The following RUNDC3B variants were observed in gnomAD, a reference collection of about 807,000 sequenced individuals.
The protein encoded by RUNDC3B is RUN domain containing 3B.
A neutral mutation model predicts 58.4 loss-of-function variants in RUNDC3B; 33 were observed. The ratio of observed to expected loss-of-function variants is 0.56; its 90% confidence interval spans 0.43 to 0.75. RUNDC3B has a LOEUF of 0.75. Among genes scored for constraint, RUNDC3B ranks in the 30% least tolerant of loss-of-function variants. RUNDC3B has a pLI of 0.00. For missense variants in RUNDC3B, 501 were observed against 535.7 expected (o/e 0.94, Z 0.64); for synonymous variants, 193 against 195.2 (o/e 0.99, Z 0.10).
chr7:87,656,357 C>T (rs965456827), intron 2 of RUNDC3B, among the ~76,000 whole-genome samples: 8 of 151,734 alleles, frequency 5.3e-5, no homozygotes, highest in East Asian at 1.9e-4. Flanking sequence ...CTAGACAATA[C>T]GGTATGCATT....
intron 7 of RUNDC3B, among the ~76,000 whole-genome samples, chr7:87,772,751 A>G (rs1204092087): frequency 6.6e-6 from 1 of 152,214 alleles, no homozygotes; most frequent in Non-Finnish European, 1.5e-5. Flanking sequence ...TGCAAATTAC[A>G]TATAACCAGA....
intron 8 of RUNDC3B, among the ~76,000 whole-genome samples, chr7:87,798,962 A>G (rs1584236689): frequency 6.6e-6 from 1 of 152,216 alleles, no homozygotes; most frequent in South Asian, 2.1e-4. Context: ...TCCCATGACT[A>G]TGTCTAAAGT....
rs1824039421 is a variant in RUNDC3B, at chr7:87,655,784, CT to C, written c.238+4849del. Among the ~76,000 whole-genome samples the C allele has an allele frequency of 2.0e-5, 3 of 152,234 alleles. No individual in the cohort carries two copies. In the South Asian group the frequency reaches 6.2e-4, roughly 32 times the overall value. ...TCCCCTCAAATTCATATGCTGGAAACTTAACCCCCTGTCCAACAGTGCTGGG... is the reference window on the plus strand; with the variant it reads ...TCCCCTCAAATTCATATGCTGGAAACTAACCCCCTGTCCAACAGTGCTGGG... On this transcript the variant is annotated intron_variant, in intron 2 of 10. Coordinates refer to ENST00000394654, the MANE Select transcript of RUNDC3B (RefSeq NM_001134405.2).
Position 87,830,883 on chromosome 7 carries a change from A to G in RUNDC3B, c.*853A>G, listed in dbSNP as rs1838093147. The G allele has an allele frequency of 6.6e-6, 1 of 151,704 alleles. No homozygotes were observed. Among genetic ancestry groups the G allele is most frequent in the South Asian group, 2.1e-4 (1 of 4,826 alleles). The allele number at this position is 151,704 out of a possible 1,614,324, so 9.4% of individuals were successfully genotyped here. On this transcript the variant is annotated 3_prime_UTR_variant, in exon 11 of 11. Coordinates refer to ENST00000394654, the MANE Select transcript of RUNDC3B (RefSeq NM_001134405.2). ...AGTTAAGGATTTGAGAGGCTTTTAA[A>G]CAAGGATCAGTAGGATAGTTATCAT...
At chr7:87,775,418 G>A (rs1834566276) in intron 7 of RUNDC3B, among the ~76,000 whole-genome samples, 1 of 152,144 alleles carries the variant, frequency 6.6e-6, no homozygotes, top group Non-Finnish European at 1.5e-5. Flanking sequence ...TATTACAAAA[G>A]AGTCAAAAAG....
intron 8 of RUNDC3B, among the ~76,000 whole-genome samples, chr7:87,800,728 G>A (rs1180589480): frequency 6.6e-6 from 1 of 150,592 alleles, no homozygotes; most frequent in Non-Finnish European, 1.5e-5. Flanking sequence ...GCTCACTGCA[G>A]CCTTGACCTC....
chr7:87,743,894 A>G (rs925322288), intron 6 of RUNDC3B, among the ~76,000 whole-genome samples: 1 of 152,164 alleles, frequency 6.6e-6, no homozygotes, highest in Non-Finnish European at 1.5e-5. Context: ...GCCTAAGCCA[A>G]TATCTAGAAG....
intron 3 of RUNDC3B, among the ~76,000 whole-genome samples, chr7:87,701,926 G>T (rs879290209): frequency 6.6e-6 from 1 of 151,874 alleles, no homozygotes; most frequent in East Asian, 1.9e-4. Flanking sequence ...GGCGGATCAC[G>T]AGGTCAGGAG....
chr7:87,649,423 T>C (rs897555964), intron 1 of RUNDC3B, among the ~76,000 whole-genome samples: 1 of 152,146 alleles, frequency 6.6e-6, no homozygotes, highest in Non-Finnish European at 1.5e-5. Flanking sequence ...CCTAATAAGA[T>C]GAAGATTGAA....
chr7:87,638,691 A>G (rs1208740928), intron 1 of RUNDC3B, among the ~76,000 whole-genome samples: 1 of 150,024 alleles, frequency 6.7e-6, no homozygotes, highest in African/African-American at 2.5e-5. Flanking sequence ...GTGATTTCCC[A>G]TTTTTCTTTC....
chr7:87,763,896 A>G (rs1164631894), intron 6 of RUNDC3B, among the ~76,000 whole-genome samples: 1 of 151,778 alleles, frequency 6.6e-6, no homozygotes, highest in African/African-American at 2.4e-5. Context: ...ACATGCGTAG[A>G]TGCCATAGTC....
chr7:87,827,309 G>C (rs1837868402), intron 10 of RUNDC3B, among the ~76,000 whole-genome samples: 1 of 152,052 alleles, frequency 6.6e-6, no homozygotes, highest in African/African-American at 2.4e-5. Context: ...CCAACATGGT[G>C]AAACACTGTC....
chr7:87,702,728 G>A (rs957898419), intron 3 of RUNDC3B, among the ~76,000 whole-genome samples: 6 of 152,082 alleles, frequency 3.9e-5, no homozygotes, highest in South Asian at 2.1e-4. Context: ...CAAATGGATC[G>A]AACATCCCAA....
chr7:87,657,174 C>A (rs990520711), intron 2 of RUNDC3B, among the ~76,000 whole-genome samples: 3 of 152,094 alleles, frequency 2.0e-5, no homozygotes, highest in Non-Finnish European at 2.9e-5. Flanking sequence ...GACACTAGAA[C>A]CTTAGGAATG....
chr7:87,652,621 G>GAGATATATATATATATATATATATATAT (rs374832268), intron 2 of RUNDC3B, among the ~76,000 whole-genome samples: 4 of 125,396 alleles, frequency 3.2e-5, no homozygotes, highest in Middle Eastern at 3.9e-3. Context: ...TGTGGTCACT[G>GAGATATATATATATATATATATATATAT]ATATATATAT....
At chr7:87,689,072 T>C (rs1196847483) in intron 2 of RUNDC3B, among the ~76,000 whole-genome samples, 1 of 152,048 alleles carries the variant, frequency 6.6e-6, no homozygotes, top group Non-Finnish European at 1.5e-5. Context: ...TCAAATAAAA[T>C]GATTCAAAAT....
intron 8 of RUNDC3B, among the ~76,000 whole-genome samples, chr7:87,781,656 C>A (rs886988866): frequency 1.3e-5 from 2 of 151,954 alleles, no homozygotes; most frequent in African/African-American, 4.8e-5. Flanking sequence ...AAGATACATT[C>A]CCTCAAAACC....
At chr7:87,643,818 C>A (rs2188532) in intron 1 of RUNDC3B, among the ~76,000 whole-genome samples, 1 of 150,544 alleles carries the variant, frequency 6.6e-6, no homozygotes, top group South Asian at 2.1e-4. Context: ...TGAGCCACCA[C>A]GCCCGGCCAA....
chr7:87,648,058 G>A (rs1039555430), intron 1 of RUNDC3B, among the ~76,000 whole-genome samples: 4 of 151,716 alleles, frequency 2.6e-5, no homozygotes, highest in East Asian at 1.9e-4. Flanking sequence ...GGTGGTGGGC[G>A]CCTGTAGTCC....
Sources: gnomAD v4.1 joint callset for allele counts (sites outside exome capture counted in the v4.1 genomes callset) on GRCh38, gnomAD v4.1.1 for gene constraint, MANE v1.5 for transcripts, NCBI Gene and HGNC (gene_info 2026-07-23, HGNC 2026-07-21) for gene names.